The following TENM1 variants were observed in gnomAD, a reference collection of about 807,000 sequenced individuals.
The protein encoded by TENM1 is teneurin-1.
A neutral mutation model predicts 174.8 loss-of-function variants in TENM1; 35 were observed. The ratio of observed to expected loss-of-function variants is 0.20; its 90% CI spans 0.15 to 0.27. The LOEUF (loss-of-function observed/expected upper bound fraction) is 0.27. Among genes scored for constraint, TENM1 ranks in the 10% least tolerant of loss-of-function variants. The pLI is 1.00. For synonymous variants in TENM1, 781 were observed against 798.7 expected, an observed-to-expected ratio of 0.98 and a Z score of 0.37; for missense variants, 1,633 against 2,130.1, an observed-to-expected ratio of 0.77 and a Z score of 4.59.
chrX:125,060,060 C>G, the TENM1 span, among the ~76,000 whole-genome samples: 1 of 109,245 alleles, frequency 9.2e-6, no homozygotes. Context: ...CAACTCTTCC[C>G]TGGATCTCCA....
At chrX:125,145,201 C>T in the TENM1 span, among the ~76,000 whole-genome samples, 2 of 111,831 alleles carry the variant, frequency 1.8e-5, no homozygotes, top group Non-Finnish European at 3.8e-5. Context: ...GGACTGCAAG[C>T]ATTTCACAGC....
At chrX:124,983,391 G>T in the TENM1 span, among the ~76,000 whole-genome samples, 10 of 111,251 alleles carry the variant, frequency 9.0e-5, no homozygotes, top group Non-Finnish European at 1.3e-4. Flanking sequence ...AGAATAAGTA[G>T]CTTACTTAAT....
intron 3 of TENM1, among the ~76,000 whole-genome samples, chrX:124,847,655 G>T (rs143319150): frequency 0.026 from 2,922 of 111,343 alleles, 93 homozygotes; most frequent in African/African-American, 0.087. Context: ...TAAATAAATG[G>T]GAGTACTCAG....
chrX:124,391,119 C>T (rs1045712329), intron 28 of TENM1, among the ~76,000 whole-genome samples: 10 of 111,032 alleles, frequency 9.0e-5, no homozygotes, highest in Admixed American at 5.7e-4. Context: ...TTGGGGAGGG[C>T]GTATCAGAAA....
At chrX:124,632,868 G>A (rs1013035472) in intron 11 of TENM1, among the ~76,000 whole-genome samples, 4 of 111,786 alleles carry the variant, frequency 3.6e-5, no homozygotes, top group Non-Finnish European at 7.5e-5. Flanking sequence ...ACAGGATTGG[G>A]ATAATTTATT....
chrX:125,102,205 T>A, the TENM1 span, among the ~76,000 whole-genome samples: 2 of 106,897 alleles, frequency 1.9e-5, no homozygotes, highest in Non-Finnish European at 3.8e-5. Context: ...GTTCACCAAC[T>A]GTCAAGGGAA....
chrX:124,631,049 G>T (rs1372067047), intron 11 of TENM1, among the ~76,000 whole-genome samples: 2 of 111,923 alleles, frequency 1.8e-5, no homozygotes, highest in African/African-American at 3.3e-5. Context: ...TTTCCAACCT[G>T]TTTGAGCTCA....
chrX:124,644,901 G>A (rs182330362), intron 10 of TENM1, among the ~76,000 whole-genome samples: 11 of 111,416 alleles, frequency 9.9e-5, no homozygotes, highest in Non-Finnish European at 1.9e-4. Context: ...AATTAGGGAT[G>A]TACAATACTA....
intron 1 of TENM1, among the ~76,000 whole-genome samples, chrX:124,912,550 A>G (rs774261268): frequency 9.1e-6 from 1 of 110,210 alleles, no homozygotes; most frequent in Admixed American, 9.7e-5. Context: ...CATAATCACC[A>G]TGCACTTCAG....
In TENM1 at chrX:124,483,077, AT is replaced by A. The variant is rs772928821; in HGVS notation, c.3717-1114del. On this transcript the variant is annotated intron_variant, in intron 21 of 31. Transcript: ENST00000422452. ...GGATGTGTTTTTGAAATCTTAAATC[AT>A]TTTTTTCCCATGCTGCCTGCAGAGT... is the stretch of plus-strand genomic sequence containing the variant. Among the ~76,000 whole-genome samples, 192 of 110,844 alleles carry A rather than the reference AT, an allele frequency of 1.7e-3. 1 individual carries two copies. The highest frequency in any genetic ancestry group is 6.0e-3 in the African/African-American group (184 of 30,500).
chrX:124,392,441 C>T (rs73546611), intron 27 of TENM1, 93 bp from the exon 31 acceptor site: 53 of 734,092 alleles, frequency 7.2e-5, no homozygotes, highest in African/African-American at 5.8e-4. Context: ...GATTATCCAA[C>T]GATAGAGTCT....
chrX:125,200,630 C>CAT, the TENM1 span, among the ~76,000 whole-genome samples: 5 of 92,279 alleles, frequency 5.4e-5, no homozygotes, highest in Admixed American at 1.2e-4. Flanking sequence ...CAATTGCTTC[C>CAT]GTGTGTGTGT....
chrX:124,581,258 G>A (rs1218154681), intron 11 of TENM1, among the ~76,000 whole-genome samples: 1 of 109,164 alleles, frequency 9.2e-6, no homozygotes, highest in Non-Finnish European at 1.9e-5. Flanking sequence ...GTAGAGACAG[G>A]GTTTCACCAT....
intron 1 of TENM1, among the ~76,000 whole-genome samples, chrX:124,903,989 G>T (rs1270073767): frequency 9.0e-6 from 1 of 111,167 alleles, no homozygotes; most frequent in Non-Finnish European, 1.9e-5. Flanking sequence ...GCCCATTGTG[G>T]TCTTCCAGGT....
intron 23 of TENM1, among the ~76,000 whole-genome samples, chrX:124,438,565 C>G (rs1375916102): frequency 9.0e-6 from 1 of 111,584 alleles, no homozygotes; most frequent in Non-Finnish European, 1.9e-5. Context: ...GTGCCATTGT[C>G]CTTTGTGTGG....
At chrX:124,453,947 A>G (rs2061073302) in intron 22 of TENM1, among the ~76,000 whole-genome samples, 2 of 111,874 alleles carry the variant, frequency 1.8e-5, no homozygotes, top group Admixed American at 9.5e-5. Context: ...AGACTTTGTT[A>G]AAAGGGAGTT....
intron 3 of TENM1, among the ~76,000 whole-genome samples, chrX:124,760,753 C>T (rs1231137055): frequency 1.8e-5 from 2 of 111,669 alleles, no homozygotes; most frequent in African/African-American, 6.5e-5. Context: ...TCAGAGTGAA[C>T]AGGCAACCTA....
At chrX:124,722,448 G>C (rs936832850) in intron 4 of TENM1, among the ~76,000 whole-genome samples, 1 of 111,314 alleles carries the variant, frequency 9.0e-6, no homozygotes, top group Non-Finnish European at 1.9e-5. Flanking sequence ...ACCAACTTTA[G>C]ATAAGAGTGG....
intron 3 of TENM1, among the ~76,000 whole-genome samples, chrX:124,752,780 T>G (rs1337575540): frequency 1.8e-5 from 2 of 110,801 alleles, no homozygotes; most frequent in Non-Finnish European, 3.8e-5. Context: ...TTTTCTCAGG[T>G]TTGTCAAAGA....
Sources: allele counts gnomAD v4.1 joint callset (sites outside exome capture counted in the v4.1 genomes callset), GRCh38; gene constraint gnomAD v4.1.1; transcripts MANE v1.5; gene names NCBI Gene and HGNC (gene_info 2026-07-23, HGNC 2026-07-21).